The following DDB1 variants were observed in gnomAD, a reference collection of about 807,000 sequenced individuals.
The protein encoded by DDB1 is DNA damage-binding protein 1.
A neutral mutation model predicts 133.1 loss-of-function variants in DDB1; 18 were observed. That is an observed-to-expected ratio of 0.14 (90% CI 0.09 to 0.20). DDB1 has a LOEUF of 0.20. Ranked by LOEUF, DDB1 falls within the 10% of genes least tolerant of loss-of-function variation. DDB1 has a pLI of 1.00. For synonymous variants in DDB1, 580 were observed against 550.5 expected, an observed-to-expected ratio of 1.05 and a Z score of -0.75; for missense variants, 828 against 1,459.2, an observed-to-expected ratio of 0.57 and a Z score of 7.05.
chr11:61,302,921 C>T lies in DDB1; in HGVS notation c.2942+125G>A, dbSNP rs940371582. The T allele has an allele frequency of 3.9e-5, 50 of 1,272,470 alleles. No individual in the cohort carries two copies. In the South Asian group the frequency reaches 5.5e-4, roughly 14 times the overall value. The allele number at this position is 1,272,470 out of a possible 1,614,324, so 78.8% of individuals were successfully genotyped here. On this transcript the variant is annotated intron_variant, in intron 23 of 26. Coordinates refer to ENST00000301764, the MANE Select transcript of DDB1 (RefSeq NM_001923.5). ...ATTTCTGTCACCTTTTATTCTCTGA[C>T]GAGGAAAGTTCTATCTCTGTAAACA...
intron 20 of DDB1, 94 bp from the exon 21 acceptor site, chr11:61,309,171 C>T: frequency 1.7e-6 from 2 of 1,153,300 alleles, no homozygotes; most frequent in Non-Finnish European, 2.6e-6. Context: ...CAAATTCTTG[C>T]CCCCCAAAAC....
At chr11:61,331,439 G>A in intron 2 of DDB1, 104 bp downstream of exon 2, 1 of 1,470,280 alleles carries the variant, frequency 6.8e-7, no homozygotes, top group Non-Finnish European at 9.2e-7. Context: ...GCAACACTGT[G>A]AGACCCCCGT....
rs188759576 is a variant in DDB1 at position 61,316,976 on chromosome 11, T to G, written c.1226-409A>C. Among the ~76,000 whole-genome samples, 30 of 56,600 alleles carry G rather than the reference T, an allele frequency of 5.3e-4. 1 individual carries two copies. Among genetic ancestry groups the G allele is most frequent in the East Asian group, 9.6e-4 (2 of 2,086 alleles). 37.1% of individuals were successfully genotyped at this position (56,600 alleles called of 152,430 possible). A position where few individuals can be genotyped will look rare whatever the true frequency, so the allele number is the denominator to read the frequency against. ...ATATATATATATATATATATATATA[T>G]ATATATATATATATATATATATAGA... On this transcript the variant is annotated intron_variant, in intron 10 of 26. Coordinates refer to ENST00000301764, the MANE Select transcript of DDB1 (RefSeq NM_001923.5).
intron 8 of DDB1, 33 bp downstream of exon 8, chr11:61,322,978 C>A: frequency 6.3e-7 from 1 of 1,589,636 alleles, no homozygotes; most frequent in Admixed American, 1.7e-5. Flanking sequence ...GTGAGTACAG[C>A]AAAAAAGAAA....
chr11:61,309,434 A>G (rs909703948), intron 20 of DDB1, among the ~76,000 whole-genome samples: 5 of 152,148 alleles, frequency 3.3e-5, no homozygotes, highest in African/African-American at 1.2e-4. Context: ...AAATATAAAC[A>G]CAGAGTTGAA....
intron 18 of DDB1, chr11:61,310,692 T>TG (rs1240935460): frequency 3.5e-6 from 1 of 288,250 alleles, no homozygotes; most frequent in South Asian, 7.9e-5. Context: ...GGTGACCTAA[T>TG]GGGGACAGAC....
intron 12 of DDB1, 95 bp from the exon 13 acceptor site, chr11:61,314,581 C>T (rs752393222): frequency 6.2e-5 from 77 of 1,234,528 alleles, no homozygotes; most frequent in Admixed American, 1.5e-4. Flanking sequence ...TAGAGCCCTA[C>T]GAATAAGCTA....
At chr11:61,320,008 TAA>T (rs61215602) in intron 10 of DDB1, among the ~76,000 whole-genome samples, 22,562 of 152,012 alleles carry the variant, frequency 0.15, 5,166 homozygotes, top group African/African-American at 0.49. Context: ...CTTGTTATGG[TAA>T]ATTGCCCCCT....
chr11:61,329,628 A>G (rs1856332189), intron 3 of DDB1, 44 bp from the exon 4 acceptor site: 1 of 1,542,156 alleles, frequency 6.5e-7, no homozygotes, highest in South Asian at 1.2e-5. Context: ...CAACATCCAC[A>G]GAGCAACAGA....
At chr11:61,304,568 C>T (rs763236066) in intron 21 of DDB1, among the ~76,000 whole-genome samples, 4 of 152,124 alleles carry the variant, frequency 2.6e-5, no homozygotes, top group African/African-American at 4.8e-5. Context: ...TCTACCACCC[C>T]GCAAGAGGGA....
chr11:61,301,733 C>G (rs144115056), intron 25 of DDB1: 1 of 153,120 alleles, frequency 6.5e-6, no homozygotes, highest in Non-Finnish European at 1.5e-5. Flanking sequence ...GAGTCACAGA[C>G]AGGAGCTCCT....
At position 61,300,914 on chromosome 11, in the gene DDB1, G is replaced by A. The variant is rs778928253; in HGVS notation, c.3234C>T (p.Thr1078=). The A allele has an allele frequency of 2.1e-5, 34 of 1,613,948 alleles. No homozygotes were observed. Among genetic ancestry groups the A allele is most frequent in the East Asian group, 8.9e-5 (4 of 44,876 alleles). The change falls in exon 26 of 27, where the codon ACC becomes ACT. Residue 1078 remains threonine (T), a synonymous_variant. Coordinates refer to ENST00000301764, the MANE Select transcript of DDB1 (RefSeq NM_001923.5). The stretch of plus-strand genomic sequence containing the variant: ...CTGTGGCTGGTTCTGTCTTCCGCTC[G>A]GTGTGAAAGGATCTCCAGGTGGATG... ...IEHSFWRSFH[T]ERKTEPATGF...
chr11:61,316,475 AC>A lies in DDB1; in HGVS notation c.1301+16del, dbSNP rs1166963314. 1 of 1,613,996 alleles carries A rather than the reference AC, an allele frequency of 6.2e-7. No individual in the cohort carries two copies. Among genetic ancestry groups the A allele is most frequent in the Non-Finnish European group, 8.5e-7 (1 of 1,180,014 alleles). On this transcript the variant is annotated intron_variant, in intron 11 of 26. Transcript: ENST00000301764. ...CTTCTCACCAGCACCTACAGCTGGC[AC>A]TAGACCCATCCTTACCTTGTCTGGC...
At chr11:61,325,990 C>T (rs1856263553) in intron 5 of DDB1, 1 of 498,884 alleles carries the variant, frequency 2.0e-6, no homozygotes, top group South Asian at 2.3e-5. Context: ...TGCATTCTCC[C>T]CCATTTTTCT....
In DDB1 at chr11:61,309,061, C is replaced by T. The variant is rs777798630; in HGVS notation, c.2583G>A (p.Val861=). 13 of 1,614,048 alleles carry T rather than the reference C, an allele frequency of 8.1e-6. No individual in the cohort carries two copies. The African/African-American group carries it at 1.5e-4, about 18-fold the overall frequency. ...CGGCCCCTTTCACTTCCTTTTCAGC[C>T]ACAGTCTGTAGTTTTCCTGGGGGTG... ...FQYSDGKLQT[V]AEKEVKGAVY... Residue 861 remains valine (V), a synonymous_variant, in exon 21 of 27, where the codon GTG becomes GTA. Transcript: ENST00000301764.
At chr11:61,309,131 C>G in intron 20 of DDB1, 54 bp from the exon 21 acceptor site, 4 of 1,540,572 alleles carry the variant, frequency 2.6e-6, no homozygotes, top group Non-Finnish European at 3.6e-6. Context: ...TTTACCTCAT[C>G]AAAAGAATCC....
intron 8 of DDB1, 125 bp downstream of exon 8, chr11:61,322,886 A>G: frequency 1.3e-6 from 1 of 769,278 alleles, no homozygotes; most frequent in South Asian, 1.9e-5. Flanking sequence ...TTAACCAAGT[A>G]GAAAGCTGGA....
intron 25 of DDB1, 126 bp from the exon 26 acceptor site, chr11:61,301,058 C>T: frequency 7.2e-7 from 1 of 1,388,398 alleles, no homozygotes; most frequent in South Asian, 1.5e-5. Flanking sequence ...CTTCCTTTCG[C>T]CTTGCTTTTA....
In DDB1 at chr11:61,329,468, A is replaced by C. The variant is rs779185416; in HGVS notation, c.444T>G (p.Asp148Glu). The change falls in exon 4 of 27, where the codon GAT (aspartate) becomes GAG (glutamate). Residue 148 changes from aspartate (D) to glutamate (E), a missense_variant. Coordinates refer to ENST00000301764, the MANE Select transcript of DDB1 (RefSeq NM_001923.5). ...TGTTGAAGGCCTTGAGTTCTTTATT[A>C]TCGCGATCTAGTGGAATAACCTTGA... is the stretch of plus-strand genomic sequence containing the variant. ...GLFKVIPLDR[D>E]NKELKAFNIR... 83 of 1,614,084 alleles carry C rather than the reference A, an allele frequency of 5.1e-5. No homozygotes were observed. Among genetic ancestry groups the C allele is most frequent in the Non-Finnish European group, 6.4e-5 (75 of 1,180,034 alleles).
Sources: gnomAD v4.1 joint callset for allele counts (sites outside exome capture counted in the v4.1 genomes callset) on GRCh38, gnomAD v4.1.1 for gene constraint, MANE v1.5 for transcripts, NCBI Gene and HGNC (gene_info 2026-07-23, HGNC 2026-07-21) for gene names.